GRM8: variants seen among roughly 807,000 people sequenced by gnomAD.
GRM8 encodes the protein glutamate metabotropic receptor 8, also known as metabotropic glutamate receptor 8.
In GRM8, 47 loss-of-function variants were observed where a neutral mutation model predicts 87.2. The observed-to-expected ratio is 0.54, with a 90% CI of 0.43 to 0.69. GRM8 has a LOEUF of 0.69. GRM8 is among the 30% of genes least tolerant of loss of function. The pLI is 0.00. For synonymous variants in GRM8, 396 were observed against 404.5 expected (o/e 0.98, Z 0.25); for missense variants, 1,019 against 1,139.2 (o/e 0.89, Z 1.52).
intron 3 of GRM8, among the ~76,000 whole-genome samples, chr7:126,952,324 AAGAC>A (rs1258018568): frequency 6.6e-6 from 1 of 152,096 alleles, no homozygotes; most frequent in Non-Finnish European, 1.5e-5. Context: ...ATAGGAGAGA[AAGAC>A]AGCTCTTCCA....
chr7:126,530,391 A>G (rs1814601538), intron 9 of GRM8, among the ~76,000 whole-genome samples: 1 of 152,140 alleles, frequency 6.6e-6, no homozygotes, highest in South Asian at 2.1e-4. Flanking sequence ...ACCCCTCACC[A>G]TCTTCCCCCG....
intron 9 of GRM8, among the ~76,000 whole-genome samples, chr7:126,504,446 T>C (rs1200283079): frequency 2.6e-5 from 4 of 152,034 alleles, no homozygotes; most frequent in Non-Finnish European, 4.4e-5. Flanking sequence ...GGTGATAATG[T>C]GTATGTATGG....
intron 6 of GRM8, among the ~76,000 whole-genome samples, chr7:126,843,033 AAC>A (rs1796414391): frequency 6.6e-6 from 1 of 152,250 alleles, no homozygotes; most frequent in Admixed American, 6.5e-5. Flanking sequence ...CAATTGTTCA[AAC>A]ATGATAAAAA....
chr7:126,659,752 G>A (rs1804938530), intron 7 of GRM8, among the ~76,000 whole-genome samples: 1 of 152,030 alleles, frequency 6.6e-6, no homozygotes, highest in Admixed American at 6.5e-5. Flanking sequence ...TAAAAACTTA[G>A]GTCTTTGTAT....
chr7:126,784,225 A>AT (rs757302361), intron 6 of GRM8, among the ~76,000 whole-genome samples: 50 of 152,208 alleles, frequency 3.3e-4, no homozygotes, highest in Non-Finnish European at 1.6e-4. Context: ...TGCATGACCT[A>AT]TTAAATCTCT....
intron 2 of GRM8, among the ~76,000 whole-genome samples, chr7:127,162,511 C>A (rs1793179431): frequency 6.6e-6 from 1 of 152,174 alleles, no homozygotes; most frequent in African/African-American, 2.4e-5. Flanking sequence ...GAATGGTTGC[C>A]TGGGTAACCA....
At chr7:127,070,410 G>A (rs1407761014) in intron 3 of GRM8, among the ~76,000 whole-genome samples, 2 of 152,030 alleles carry the variant, frequency 1.3e-5, no homozygotes, top group African/African-American at 4.8e-5. Context: ...CACAAACACA[G>A]GCATCAAATG....
intron 9 of GRM8, among the ~76,000 whole-genome samples, chr7:126,499,560 T>C (rs1809321509): frequency 6.6e-6 from 1 of 151,942 alleles, no homozygotes; most frequent in Non-Finnish European, 1.5e-5. Flanking sequence ...CTAAGTGTTG[T>C]TTCCATTTGA....
chr7:126,860,650 G>A (rs921400094), intron 6 of GRM8, among the ~76,000 whole-genome samples: 48 of 152,058 alleles, frequency 3.2e-4, no homozygotes, highest in African/African-American at 3.9e-4. Context: ...CCAGTTTGTA[G>A]ATATTAACTC....
chr7:127,114,354 T>G (rs73720663), intron 2 of GRM8, among the ~76,000 whole-genome samples: 1 of 152,086 alleles, frequency 6.6e-6, no homozygotes, highest in Non-Finnish European at 1.5e-5. Context: ...GTACACTATA[T>G]TGCACCATAT....
rs141114022 is a variant in GRM8, at chr7:127,226,150, T to C, written c.510+16545A>G. On this transcript the variant is annotated intron_variant, in intron 2 of 10. Transcript: ENST00000339582. ...TAGGAAAAAAGGAGCTTTGATTCAT[T>C]GTCTCTTTTCAAATTAGCACAATCA... is the stretch of plus-strand genomic sequence containing the variant. Among the ~76,000 whole-genome samples the C allele has an allele frequency of 1.8e-3, 279 of 152,274 alleles. 1 individual carries two copies. Among genetic ancestry groups the C allele is most frequent in the Non-Finnish European group, 3.4e-3 (228 of 68,008 alleles).
chr7:126,898,083 A>G (rs1801717562), intron 6 of GRM8, among the ~76,000 whole-genome samples: 1 of 152,186 alleles, frequency 6.6e-6, no homozygotes, highest in Non-Finnish European at 1.5e-5. Flanking sequence ...GTTACTCAAC[A>G]CATATAACTT....
intron 8 of GRM8, among the ~76,000 whole-genome samples, chr7:126,545,674 T>G (rs1817068130): frequency 6.6e-6 from 1 of 152,172 alleles, no homozygotes; most frequent in South Asian, 2.1e-4. Context: ...CATAAATAAT[T>G]ACATTGAATC....
At chr7:126,967,541 C>T (rs987946840) in intron 3 of GRM8, among the ~76,000 whole-genome samples, 2 of 86,488 alleles carry the variant, frequency 2.3e-5, no homozygotes, top group East Asian at 5.9e-4. Flanking sequence ...CTTAAATCTA[C>T]ATCCCTTGAG....
intron 7 of GRM8, among the ~76,000 whole-genome samples, chr7:126,743,371 T>C (rs1025766267): frequency 1.3e-5 from 2 of 152,080 alleles, no homozygotes; most frequent in Non-Finnish European, 1.5e-5. Flanking sequence ...GGAACACAGA[T>C]TGATTTTCAG....
chr7:126,962,933 A>G (rs760071846), intron 3 of GRM8, among the ~76,000 whole-genome samples: 4 of 152,182 alleles, frequency 2.6e-5, no homozygotes, highest in Non-Finnish European at 5.9e-5. Flanking sequence ...CCTCTCCACT[A>G]ATGAAAACTT....
At chr7:127,066,110 T>G (rs1465511264) in intron 3 of GRM8, among the ~76,000 whole-genome samples, 1 of 152,206 alleles carries the variant, frequency 6.6e-6, no homozygotes, top group Non-Finnish European at 1.5e-5. Flanking sequence ...TGTTTAATGG[T>G]AGCAAAGTCA....
intron 6 of GRM8, among the ~76,000 whole-genome samples, chr7:126,788,420 A>AACAAAAACAAAAACAAAAAAAAAAAAAC (rs1554492201): frequency 1.2e-5 from 1 of 81,138 alleles, no homozygotes; most frequent in Admixed American, 1.7e-4. Flanking sequence ...AAAAAAAAAA[A>AACAAAAACAAAAACAAAAAAAAAAAAAC]AAACCCTTTC....
Position 126,439,067 on chromosome 7 carries a change from C to T in GRM8, c.*52G>A, listed in dbSNP as rs1018192853. On this transcript the variant is annotated 3_prime_UTR_variant, in exon 11 of 11. Coordinates refer to ENST00000339582, the MANE Select transcript of GRM8 (RefSeq NM_000845.3). Reference sequence around the variant, plus strand: ...GAGTGAATTTTTGCGGTCTCATGTTCATCATTTAAGATCATATACCACATC... The same window carrying T: ...GAGTGAATTTTTGCGGTCTCATGTTTATCATTTAAGATCATATACCACATC... 3 of 1,099,450 alleles carry T rather than the reference C, an allele frequency of 2.7e-6. No homozygotes were observed. The highest frequency in any genetic ancestry group is 2.8e-6 in the Non-Finnish European group (2 of 710,880). The allele number at this position is 1,099,450 out of a possible 1,614,324, so 68.1% of individuals were successfully genotyped here. A position where few individuals can be genotyped will look rare whatever the true frequency, so the allele number is the denominator to read the frequency against.
Sources: allele counts gnomAD v4.1 joint callset (sites outside exome capture counted in the v4.1 genomes callset), GRCh38; gene constraint gnomAD v4.1.1; transcripts MANE v1.5; gene names NCBI Gene and HGNC (gene_info 2026-07-23, HGNC 2026-07-21).